The following ZNF385B variants were observed in gnomAD, a reference collection of about 807,000 sequenced individuals.
ZNF385B encodes the protein zinc finger protein 385B.
In ZNF385B, 23 loss-of-function variants were observed where a neutral mutation model predicts 39.2. The observed-to-expected ratio is 0.59, with a 90% CI of 0.42 to 0.83. ZNF385B has a LOEUF of 0.83. ZNF385B is among the 40% of genes least tolerant of loss of function. ZNF385B has a pLI of 0.00. For missense variants in ZNF385B, 552 were observed against 598.9 expected, an observed-to-expected ratio of 0.92 and a Z score of 0.82; for synonymous variants, 205 against 222.6, an observed-to-expected ratio of 0.92 and a Z score of 0.70.
intron 3 of ZNF385B, among the ~76,000 whole-genome samples, chr2:179,688,514 C>CAACAACAACAACAAA (rs1559091149): frequency 1.3e-5 from 2 of 151,304 alleles, no homozygotes; most frequent in African/African-American, 4.9e-5. Flanking sequence ...ACAACAACAA[C>CAACAACAACAACAAA]AACAAAAACA....
At chr2:179,641,502 G>A (rs1013482852) in intron 3 of ZNF385B, among the ~76,000 whole-genome samples, 12 of 152,160 alleles carry the variant, frequency 7.9e-5, no homozygotes, top group South Asian at 2.1e-4. Context: ...TAGTTCAAGG[G>A]ACAAACTGTA....
At chr2:179,729,175 C>T (rs1204405507) in intron 3 of ZNF385B, among the ~76,000 whole-genome samples, 1 of 149,336 alleles carries the variant, frequency 6.7e-6, no homozygotes. Flanking sequence ...CTTTTTAGTT[C>T]CAGTTCCCTG....
chr2:179,521,118 T>G (rs1392393320), intron 4 of ZNF385B, among the ~76,000 whole-genome samples: 3 of 152,214 alleles, frequency 2.0e-5, no homozygotes, highest in African/African-American at 7.2e-5. Flanking sequence ...CCATTAAGTT[T>G]TAAAAATTGT....
intron 3 of ZNF385B, among the ~76,000 whole-genome samples, chr2:179,571,393 A>T (rs1025123803): frequency 1.3e-5 from 2 of 152,310 alleles, no homozygotes. Flanking sequence ...TCTTTTAAAG[A>T]GTCTAACCTC....
intron 3 of ZNF385B, among the ~76,000 whole-genome samples, chr2:179,743,918 C>T (rs990732989): frequency 3.9e-5 from 6 of 152,056 alleles, no homozygotes; most frequent in African/African-American, 1.4e-4. Flanking sequence ...ACTCGCCGTA[C>T]TCATAGCACA....
At chr2:179,566,502 A>T (rs888010300) in intron 3 of ZNF385B, among the ~76,000 whole-genome samples, 1 of 152,230 alleles carries the variant, frequency 6.6e-6, no homozygotes, top group Admixed American at 6.5e-5. Context: ...ATATTTTAAG[A>T]CAAACTCAGA....
chr2:179,660,697 A>C (rs1260790152), intron 3 of ZNF385B, among the ~76,000 whole-genome samples: 1 of 152,166 alleles, frequency 6.6e-6, no homozygotes, highest in Admixed American at 6.5e-5. Flanking sequence ...TACAAAGATA[A>C]TTATTTCTGA....
intron 6 of ZNF385B, among the ~76,000 whole-genome samples, chr2:179,477,337 T>C (rs1246251365): frequency 4.6e-5 from 7 of 152,208 alleles, no homozygotes; most frequent in South Asian, 2.1e-4. Flanking sequence ...CATACTGATA[T>C]ACTCATTGAT....
intron 3 of ZNF385B, among the ~76,000 whole-genome samples, chr2:179,656,872 A>G (rs535430948): frequency 4.3e-4 from 65 of 152,286 alleles, no homozygotes; most frequent in Admixed American, 2.5e-3. Context: ...TAGATATTAT[A>G]CCTCTATGTT....
At chr2:179,642,466 T>C (rs1312505924) in intron 3 of ZNF385B, among the ~76,000 whole-genome samples, 1 of 152,160 alleles carries the variant, frequency 6.6e-6, no homozygotes, top group Non-Finnish European at 1.5e-5. Flanking sequence ...CTCTTTTTTT[T>C]CTCATAGAAA....
chr2:179,477,358 G>C (rs1004869432), intron 6 of ZNF385B, among the ~76,000 whole-genome samples: 1 of 152,092 alleles, frequency 6.6e-6, no homozygotes, highest in Non-Finnish European at 1.5e-5. Flanking sequence ...AACGACTCTG[G>C]GTTTACACCT....
At chr2:179,760,223 C>CGCGCGCGTGTGTGTGTGT (rs11282329) in intron 3 of ZNF385B, among the ~76,000 whole-genome samples, 60 of 144,548 alleles carry the variant, frequency 4.2e-4, no homozygotes, top group African/African-American at 1.4e-3. Flanking sequence ...TTCCTGTGTG[C>CGCGCGCGTGTGTGTGTGT]GTGTGTGTGT....
chr2:179,444,154 A>C (rs569568017), intron 9 of ZNF385B, among the ~76,000 whole-genome samples: 1 of 152,358 alleles, frequency 6.6e-6, no homozygotes, highest in African/African-American at 2.4e-5. Flanking sequence ...GGATTTGCTT[A>C]ATGCAGGTAA....
At chr2:179,788,682 T>G (rs1263908614) in intron 1 of ZNF385B, among the ~76,000 whole-genome samples, 1 of 152,002 alleles carries the variant, frequency 6.6e-6, no homozygotes, top group Non-Finnish European at 1.5e-5. Flanking sequence ...TCAGAGCAAT[T>G]GAGATTGTCA....
In ZNF385B at chr2:179,770,373, G is replaced by T. The variant is rs188930311; in HGVS notation, c.-3+148C>A. On this transcript the variant is annotated intron_variant, in intron 2 of 9. Transcript: ENST00000410066. ...AATTTTATTGAAGAAAGGAATAAAT[G>T]ATGTCATGAATCTGGAATTGTGAAA... 7.5e-4 allele frequency: 115 copies of T among 153,254 alleles called. 1 individual carries two copies. The highest frequency in any genetic ancestry group is 1.2e-3 in the Non-Finnish European group (82 of 68,722). The allele number at this position is 153,254 out of a possible 1,614,324, so 9.5% of individuals were successfully genotyped here. A position where few individuals can be genotyped will look rare whatever the true frequency, so the allele number is the denominator to read the frequency against.
chr2:179,613,142 C>T (rs1157295144), intron 3 of ZNF385B, among the ~76,000 whole-genome samples: 1 of 152,160 alleles, frequency 6.6e-6, no homozygotes, highest in African/African-American at 2.4e-5. Flanking sequence ...AATGGGCTCC[C>T]CTATGGCCCA....
chr2:179,796,609 G>T (rs1392785871), intron 1 of ZNF385B, among the ~76,000 whole-genome samples: 2 of 152,230 alleles, frequency 1.3e-5, no homozygotes, highest in Non-Finnish European at 2.9e-5. Context: ...AGGATTCAGA[G>T]AGTGGCTAGT....
chr2:179,588,255 A>AT (rs1574914495), intron 3 of ZNF385B, among the ~76,000 whole-genome samples: 1 of 151,926 alleles, frequency 6.6e-6, no homozygotes, highest in African/African-American at 2.4e-5. Context: ...TGCCCGGCTA[A>AT]TTTTTTGTAT....
rs73973744 is a variant in ZNF385B, at chr2:179,796,172, G to A, written c.-154-25500C>T. On this transcript the variant is annotated intron_variant, in intron 1 of 9. Transcript: ENST00000410066. Reference sequence around the variant, plus strand: ...CTTTACAAGAGAGGATCACTTTGCAGAAGATTTTACTAACTTGAGGTTTTT... The same window carrying A: ...CTTTACAAGAGAGGATCACTTTGCAAAAGATTTTACTAACTTGAGGTTTTT... 320 of 152,248 alleles carry A rather than the reference G, an allele frequency of 2.1e-3. 2 individuals are homozygous for A. Among genetic ancestry groups the A allele is most frequent in the African/African-American group, 7.4e-3 (307 of 41,544 alleles). 9.4% of individuals were successfully genotyped at this position (152,248 alleles called of 1,614,324 possible). A position where few individuals can be genotyped will look rare whatever the true frequency, so the allele number is the denominator to read the frequency against.
Sources: gnomAD v4.1 joint callset for allele counts (sites outside exome capture counted in the v4.1 genomes callset) on GRCh38, gnomAD v4.1.1 for gene constraint, MANE v1.5 for transcripts, NCBI Gene and HGNC (gene_info 2026-07-23, HGNC 2026-07-21) for gene names.